PCDH1: variants seen among roughly 807,000 people sequenced by gnomAD.
PCDH1 encodes protocadherin-1.
A neutral mutation model predicts 74.6 loss-of-function variants in PCDH1; 23 were observed. The observed-to-expected ratio is 0.31, with a 90% CI of 0.22 to 0.44. The LOEUF (loss-of-function observed/expected upper bound fraction) is 0.44, where lower values mean the gene tolerates loss of function less well. Among genes scored for constraint, PCDH1 ranks in the 20% least tolerant of loss-of-function variants. The pLI is 1.00. For missense variants in PCDH1, 1,214 were observed against 1,641.4 expected, an observed-to-expected ratio of 0.74 and a Z score of 4.50; for synonymous variants, 647 against 686.1, an observed-to-expected ratio of 0.94 and a Z score of 0.89.
At position 141,863,302 on chromosome 5, in the gene PCDH1, G is replaced by A. The variant is rs745425766; in HGVS notation, c.3029C>T (p.Thr1010Met). Reference sequence around the variant, plus strand: ...GGAGTACTGCTCAGAGCCCGTGGACGTGGTGTCCCCGGTGCCCACGAATGT... The same window carrying A: ...GGAGTACTGCTCAGAGCCCGTGGACATGGTGTCCCCGGTGCCCACGAATGT... ...ANTFVGTGDT[T>M]STGSEQYSDY... Residue 1010 changes from threonine to methionine, a missense_variant, in exon 3 of 5, where the codon ACG becomes ATG. Around this residue, in one of 4 missense-constraint regions of PCDH1, gnomAD observed 836 missense variants for 1,182.2 expected, o/e 0.71. Transcript: ENST00000287008. The surrounding 1 kb of genome is among the most constrained non-coding windows in gnomAD (Gnocchi z 7.5). The A allele has an allele frequency of 7.0e-6, 11 of 1,570,098 alleles. No homozygotes were observed. Among genetic ancestry groups the A allele is most frequent in the Admixed American group, 3.7e-5 (2 of 54,462 alleles).
chr5:141,873,150 A>G (rs183814200), intron 1 of PCDH1, among the ~76,000 whole-genome samples: 28 of 151,858 alleles, frequency 1.8e-4, no homozygotes, highest in Non-Finnish European at 3.1e-4. Flanking sequence ...TTTTTGAGAC[A>G]GAGTCTCACT....
chr5:141,874,287 C>T (rs1407949160), intron 1 of PCDH1, among the ~76,000 whole-genome samples: 2 of 152,232 alleles, frequency 1.3e-5, no homozygotes, highest in African/African-American at 4.8e-5. Flanking sequence ...TTCCCTCACC[C>T]GTGTTCCCAC....
At position 141,865,096 on chromosome 5, in the gene PCDH1, G is replaced by C. The variant is rs1307753997; in HGVS notation, c.1235C>G (p.Thr412Arg). ...AGACACCTGCACCAGGGCCACAGCT[G>C]TCTCCTCTGCCACATCCTCTGAGAT... ...ANISEDVAEE[T>R]AVALVQVSDR... The change falls in exon 3 of 5, where the codon ACA becomes AGA. Residue 412 changes from threonine to arginine, a missense_variant. Coordinates refer to ENST00000287008, the MANE Select transcript of PCDH1 (RefSeq NM_032420.5). This position sits in a 1 kb window ranked among gnomAD's most constrained non-coding sequence, Gnocchi z 4.4. 1 of 1,614,172 alleles carries C rather than the reference G, an allele frequency of 6.2e-7. No homozygotes were observed. Among genetic ancestry groups the C allele is most frequent in the Non-Finnish European group, 8.5e-7 (1 of 1,180,034 alleles).
chr5:141,866,602 T>C (rs1032263212), intron 2 of PCDH1, among the ~76,000 whole-genome samples: 5 of 152,032 alleles, frequency 3.3e-5, no homozygotes, highest in African/African-American at 4.8e-5. Flanking sequence ...GAGTCCTGGG[T>C]TCAAATCCCA....
rs1017964388 is a variant in PCDH1, at chr5:141,873,218, C to T, written c.41-3787G>A. Among the ~76,000 whole-genome samples the T allele has an allele frequency of 4.6e-5, 7 of 151,666 alleles. No individual in the cohort carries two copies. The South Asian group carries it at 6.2e-4, about 14-fold the overall frequency. On this transcript the variant is annotated intron_variant, in intron 1 of 4. Transcript: ENST00000287008. ...TGGCCTCACTGCAACCTCCACCTTT[C>T]GGGTTCAAGCAATTCCCCTGCCTCA... is the stretch of plus-strand genomic sequence containing the variant.
Position 141,863,801 on chromosome 5 carries a change from A to G in PCDH1, c.2530T>C (p.Tyr844His). 3 of 1,614,166 alleles carry G rather than the reference A, an allele frequency of 1.9e-6. No homozygotes were observed. Among genetic ancestry groups the G allele is most frequent in the Non-Finnish European group, 2.5e-6 (3 of 1,180,036 alleles). ...TTGCCACGCTGCTTGGAGCGCTCAT[A>G]TTCTGGATCCCCAGCAATGTCAATA... ...LDIDIAGDPE[Y>H]ERSKQRGNIL... is the part of the protein sequence containing the mutation. Residue 844 changes from tyrosine to histidine, a missense_variant, in exon 3 of 5, where the codon TAT becomes CAT. By Grantham distance (83) the Tyr-to-His change is moderately conservative (BLOSUM62 2). Around this residue, in one of 4 missense-constraint regions of PCDH1, gnomAD observed 836 missense variants for 1,182.2 expected, o/e 0.71. Coordinates refer to ENST00000287008, the MANE Select transcript of PCDH1 (RefSeq NM_032420.5). The surrounding 1 kb of genome is among the most constrained non-coding windows in gnomAD (Gnocchi z 7.5).
In PCDH1 at chr5:141,864,485, C is replaced by T. The variant is rs2126816722; in HGVS notation, c.1846G>A (p.Gly616Ser). 1 of 1,614,124 alleles carries T rather than the reference C, an allele frequency of 6.2e-7. No individual in the cohort carries two copies. The highest frequency in any genetic ancestry group is 8.5e-7 in the Non-Finnish European group (1 of 1,180,018). Residue 616 changes from glycine to serine, a missense_variant, in exon 3 of 5, where the codon GGC becomes AGC. By Grantham distance (56) the Gly-to-Ser change is moderately conservative (BLOSUM62 0). Coordinates refer to ENST00000287008, the MANE Select transcript of PCDH1 (RefSeq NM_032420.5). The surrounding 1 kb of genome is among the most constrained non-coding windows in gnomAD (Gnocchi z 5.9). ...NDNDPKFMLS[G>S]YNFSVMENMP... The stretch of plus-strand genomic sequence containing the variant: ...TTCTCCATCACTGAGAAGTTGTAGC[C>T]ACTCAGCATAAATTTGGGGTCATTG...
chr5:141,854,762 C>T (rs1752263993), intron 4 of PCDH1, among the ~76,000 whole-genome samples: 1 of 152,052 alleles, frequency 6.6e-6, no homozygotes, highest in Non-Finnish European at 1.5e-5. Flanking sequence ...ACCTCCACCT[C>T]CCGGGTTCAA....
At chr5:141,856,582 A>G (rs1381330153) in intron 4 of PCDH1, among the ~76,000 whole-genome samples, 1 of 151,784 alleles carries the variant, frequency 6.6e-6, no homozygotes, top group Non-Finnish European at 1.5e-5. Flanking sequence ...CTGCACACAC[A>G]CTGACGGCAC....
In PCDH1 at chr5:141,863,549, C is replaced by G; in HGVS notation, c.2782G>C (p.Glu928Gln). 2.5e-6 allele frequency: 4 copies of G among 1,614,160 alleles called. No homozygotes were observed. Among genetic ancestry groups the G allele is most frequent in the Non-Finnish European group, 3.4e-6 (4 of 1,180,006 alleles). ...SPKPVKPVED[E>Q]DEAGLQKSLK... The stretch of plus-strand genomic sequence containing the variant: ...GACTTCTGCAGCCCGGCCTCATCCT[C>G]GTCCTCCACTGGCTTCACGGGCTTT... Residue 928 changes from glutamate (E) to glutamine (Q), a missense_variant, in exon 3 of 5, where the codon GAG becomes CAG. By Grantham distance (29) the Glu-to-Gln change is conservative. Around this residue, in one of 4 missense-constraint regions of PCDH1, gnomAD observed 836 missense variants for 1,182.2 expected, o/e 0.71. Transcript: ENST00000287008. This position sits in a 1 kb window ranked among gnomAD's most constrained non-coding sequence, Gnocchi z 7.5.
intron 4 of PCDH1, among the ~76,000 whole-genome samples, chr5:141,855,954 A>ACCCC (rs34330177): frequency 2.7e-5 from 4 of 148,820 alleles, no homozygotes; most frequent in Non-Finnish European, 6.0e-5. Context: ...CCAGGCAGTG[A>ACCCC]CCCCCCCCCA....
rs1752226103 is a variant in PCDH1, at chr5:141,854,105, C to T, written c.3651G>A (p.Ser1217=). The stretch of plus-strand genomic sequence containing the variant: ...CCGGTGTGGCTGCGGGTGGGAAGTC[C>T]GAGGTCTGGGTCAGGGGGATTTCCT... ...TLEEIPLTQT[S]DFPPAATPAS... Residue 1217 remains serine (S), a synonymous_variant, in exon 5 of 5, where the codon TCG becomes TCA. Transcript: ENST00000287008. The T allele has an allele frequency of 4.5e-6, 7 of 1,561,396 alleles. No homozygotes were observed. Among genetic ancestry groups the T allele is most frequent in the Middle Eastern group, 3.6e-4 (2 of 5,554 alleles).
intron 3 of PCDH1, among the ~76,000 whole-genome samples, chr5:141,861,115 C>CAAA (rs59007688): frequency 0.16 from 9,719 of 61,824 alleles, 760 homozygotes; most frequent in Non-Finnish European, 0.2. Flanking sequence ...AACTCCATCT[C>CAAA]AAAAAAAAAA....
Position 141,853,952 on chromosome 5 carries a change from G to C in PCDH1, c.*90C>G, listed in dbSNP as rs527915794. On this transcript the variant is annotated 3_prime_UTR_variant, in exon 5 of 5. Coordinates refer to ENST00000287008, the MANE Select transcript of PCDH1 (RefSeq NM_032420.5). The stretch of plus-strand genomic sequence containing the variant: ...TTGGGGCCCTGGCCAGGAAGTCCAC[G>C]CTGAAGGGGTGGAGAGTGAGGCCCT... 1.7e-6 allele frequency: 2 copies of C among 1,204,980 alleles called. No homozygotes were observed. The highest frequency in any genetic ancestry group is 3.0e-5 in the African/African-American group (2 of 65,606). 74.6% of individuals were successfully genotyped at this position (1,204,980 alleles called of 1,614,324 possible). A position where few individuals can be genotyped will look rare whatever the true frequency, so the allele number is the denominator to read the frequency against.
At chr5:141,874,135 G>A (rs1199229551) in intron 1 of PCDH1, among the ~76,000 whole-genome samples, 1 of 152,194 alleles carries the variant, frequency 6.6e-6, no homozygotes, top group African/African-American at 2.4e-5. Flanking sequence ...CCGTAAGGAG[G>A]GAATAAGAAA....
rs1312261609 is a variant in PCDH1 at position 141,863,352 on chromosome 5, C to T, written c.2979G>A (p.Val993=). 2 of 1,548,366 alleles carry T rather than the reference C, an allele frequency of 1.3e-6. No homozygotes were observed. Among genetic ancestry groups the T allele is most frequent in the East Asian group, 2.3e-5 (1 of 44,386 alleles). ...QSPSASKKHQ[V]VQDLPPANTF... The stretch of plus-strand genomic sequence containing the variant: ...TGTTTGCAGGTGGCAGGTCCTGTAC[C>T]ACCTGGTGCTTCTTGGAGGCTGAGG... The change falls in exon 3 of 5, where the codon GTG becomes GTA. Residue 993 remains valine, a synonymous_variant. Transcript: ENST00000287008. This position sits in a 1 kb window ranked among gnomAD's most constrained non-coding sequence, Gnocchi z 7.5.
Position 141,863,567 on chromosome 5 carries a change from C to A in PCDH1, c.2764G>T (p.Val922Leu). 1 of 1,614,170 alleles carries A rather than the reference C, an allele frequency of 6.2e-7. No homozygotes were observed. Among genetic ancestry groups the A allele is most frequent in the Non-Finnish European group, 8.5e-7 (1 of 1,180,014 alleles). Residue 922 changes from valine (V) to leucine (L), a missense_variant, in exon 3 of 5, where the codon GTG (valine) becomes TTG (leucine). Around this residue, in one of 4 missense-constraint regions of PCDH1, gnomAD observed 836 missense variants for 1,182.2 expected, o/e 0.71. Transcript: ENST00000287008. The surrounding 1 kb of genome is among the most constrained non-coding windows in gnomAD (Gnocchi z 7.5). Reference sequence around the variant, plus strand: ...TCATCCTCGTCCTCCACTGGCTTCACGGGCTTTGGGGACTTGCTCTTCTTG... The same window carrying A: ...TCATCCTCGTCCTCCACTGGCTTCAAGGGCTTTGGGGACTTGCTCTTCTTG... ...KGKKSKSPKP[V>L]KPVEDEDEAG... is the part of the protein sequence containing the mutation.
chr5:141,864,660 G>C lies in PCDH1; in HGVS notation c.1671C>G (p.Ile557Met), dbSNP rs551152667. 7.4e-6 allele frequency: 12 copies of C among 1,613,836 alleles called. No individual in the cohort carries two copies. The highest frequency in any genetic ancestry group is 9.3e-6 in the Non-Finnish European group (11 of 1,180,032). Residue 557 changes from isoleucine (I) to methionine (M), a missense_variant, in exon 3 of 5, where the codon ATC becomes ATG. By Grantham distance (10) the Ile-to-Met change is conservative. Transcript: ENST00000287008. The surrounding 1 kb of genome is among the most constrained non-coding windows in gnomAD (Gnocchi z 5.9). ...PEPAAKGLFT[I>M]SPETGEIQVK... ...CCTGGATCTCTCCAGTCTCGGGTGA[G>C]ATGGTGAAGAGGCCCTTAGCAGCCG...
At position 141,869,094 on chromosome 5, in the gene PCDH1, C is replaced by T. The variant is rs148895524; in HGVS notation, c.378G>A (p.Gln126=). 12 of 1,613,564 alleles carry T rather than the reference C, an allele frequency of 7.4e-6. No homozygotes were observed. The African/African-American group carries it at 1.6e-4, about 22-fold the overall frequency. ...CCAGGATGCAGGGATCACCAGGGAG[C>T]TGGTTCTGGCATTCACGGAGCCCCT... is the stretch of plus-strand genomic sequence containing the variant. ...DREGLRECQN[Q]LPGDPCILEF... Residue 126 remains glutamine, a synonymous_variant, in exon 2 of 5, where the codon CAG becomes CAA. Transcript: ENST00000287008. The surrounding 1 kb of genome is among the most constrained non-coding windows in gnomAD (Gnocchi z 4.9).
Sources: allele counts gnomAD v4.1 joint callset (sites outside exome capture counted in the v4.1 genomes callset), GRCh38; gene constraint gnomAD v4.1.1; regional missense constraint gnomAD v4.1.1; non-coding constraint Gnocchi (gnomAD v3.1); transcripts MANE v1.5; gene names NCBI Gene and HGNC (gene_info 2026-07-23, HGNC 2026-07-21).